Variants in MTMR12 observed in about 807,000 individuals in gnomAD.
The protein encoded by MTMR12 is myotubularin-related protein 12.
A neutral mutation model predicts 96.7 loss-of-function variants in MTMR12; 33 were observed. The observed-to-expected ratio is 0.34, with a 90% CI of 0.26 to 0.46. The LOEUF (loss-of-function observed/expected upper bound fraction) is 0.46. MTMR12 is among the 20% of genes least tolerant of loss of function. The pLI is 1.00. For synonymous variants in MTMR12, 298 were observed against 327.2 expected, an observed-to-expected ratio of 0.91 and a Z score of 0.96; for missense variants, 721 against 896.1, an observed-to-expected ratio of 0.80 and a Z score of 2.49.
At chr5:32,307,989 G>A (rs1363157271) in intron 1 of MTMR12, among the ~76,000 whole-genome samples, 1 of 152,180 alleles carries the variant, frequency 6.6e-6, no homozygotes, top group African/African-American at 2.4e-5. Flanking sequence ...AGGTGTCTAA[G>A]AAACTGAGAT....
intron 6 of MTMR12, among the ~76,000 whole-genome samples, chr5:32,267,658 G>A (rs1275131579): frequency 6.6e-6 from 1 of 152,104 alleles, no homozygotes; most frequent in Admixed American, 6.5e-5. Context: ...TTGCTATAAA[G>A]TATGCTCTGG....
At chr5:32,248,231 C>T (rs954985478) in intron 9 of MTMR12, 105 bp from the exon 10 acceptor site, 2 of 1,281,504 alleles carry the variant, frequency 1.6e-6, no homozygotes, top group Non-Finnish European at 2.2e-6. Context: ...GGCATTCTCC[C>T]ATTTAATCTT....
chr5:32,302,872 C>G (rs995059125), intron 1 of MTMR12, among the ~76,000 whole-genome samples: 1 of 152,044 alleles, frequency 6.6e-6, no homozygotes, highest in Admixed American at 6.6e-5. Context: ...CCAAATCATT[C>G]GCAAATGTAT....
chr5:32,297,559 T>A (rs1411883233), intron 1 of MTMR12, among the ~76,000 whole-genome samples: 2 of 152,078 alleles, frequency 1.3e-5, no homozygotes, highest in Non-Finnish European at 1.5e-5. Flanking sequence ...AGGTTTTTTT[T>A]TTTTTTTTGA....
chr5:32,234,907 C>T, intron 14 of MTMR12, 55 bp downstream of exon 14: 1 of 1,492,312 alleles, frequency 6.7e-7, no homozygotes, highest in Non-Finnish European at 9.2e-7. Flanking sequence ...ATTACTGCAT[C>T]CTACTTGTGA....
chr5:32,268,850 AAAGAC>A, intron 5 of MTMR12, 56 bp from the exon 6 acceptor site: 1 of 1,422,748 alleles, frequency 7.0e-7, no homozygotes, highest in Non-Finnish European at 9.9e-7. Context: ...AAACACTAAC[AAAGAC>A]AAGAGTCAAG....
intron 5 of MTMR12, among the ~76,000 whole-genome samples, chr5:32,269,535 C>A (rs902731360): frequency 1.3e-5 from 2 of 152,152 alleles, no homozygotes; most frequent in Admixed American, 6.5e-5. Context: ...GAACTCCTGA[C>A]CTCAGGTGAT....
chr5:32,235,015 G>A lies in MTMR12; in HGVS notation c.1459C>T (p.Pro487Ser). The stretch of plus-strand genomic sequence containing the variant: ...TTGAAGAAGAAGGTGCTAAAAATAG[G>A]TATATACAGGCTATCTGACAAAACA... ...LTVLSDSLYI[P>S]IFSTFFFNSP... The change falls in exon 14 of 16, where the codon CCT (proline) becomes TCT (serine). Residue 487 changes from proline to serine, a missense_variant. Transcript: ENST00000382142. The A allele has an allele frequency of 6.2e-7, 1 of 1,613,876 alleles. No individual in the cohort carries two copies.
intron 2 of MTMR12, 58 bp from the exon 3 acceptor site, chr5:32,274,180 A>C (rs1469795241): frequency 1.3e-6 from 2 of 1,577,306 alleles, no homozygotes; most frequent in African/African-American, 2.7e-5. Context: ...CGATATGCAA[A>C]CACTAAAGGC....
intron 1 of MTMR12, among the ~76,000 whole-genome samples, chr5:32,302,735 A>C (rs1561814799): frequency 6.6e-6 from 1 of 152,104 alleles, no homozygotes; most frequent in Non-Finnish European, 1.5e-5. Flanking sequence ...AAAAAAAAAA[A>C]AAATTAGGGA....
At chr5:32,243,675 C>G in intron 10 of MTMR12, 76 bp from the exon 11 acceptor site, 1 of 878,864 alleles carries the variant, frequency 1.1e-6, no homozygotes, top group Admixed American at 1.9e-5. Flanking sequence ...CTGTGCTCCT[C>G]AACTGTGTCA....
intron 7 of MTMR12, among the ~76,000 whole-genome samples, chr5:32,260,058 C>T (rs1297304603): frequency 3.6e-5 from 5 of 138,246 alleles, no homozygotes; most frequent in Admixed American, 2.2e-4. Context: ...AAAAAAAAAG[C>T]GGTACCTGGG....
chr5:32,262,882 G>A (rs1749421319), intron 7 of MTMR12, among the ~76,000 whole-genome samples: 1 of 152,214 alleles, frequency 6.6e-6, no homozygotes, highest in Non-Finnish European at 1.5e-5. Flanking sequence ...CAACAGGCAA[G>A]TCTATAGTGA....
chr5:32,227,467 T>A lies in MTMR12; in HGVS notation c.*2311A>T, dbSNP rs910387165. On this transcript the variant is annotated 3_prime_UTR_variant, in exon 16 of 16. Coordinates refer to ENST00000382142, the MANE Select transcript of MTMR12 (RefSeq NM_001040446.3). Reference sequence around the variant, plus strand: ...ACAGCTTATTTTTCTATTGTAATTTTAAAAAATCATAGAAAAATATGTCAA... The same window carrying A: ...ACAGCTTATTTTTCTATTGTAATTTAAAAAAATCATAGAAAAATATGTCAA... 2 of 152,652 alleles carry A rather than the reference T, an allele frequency of 1.3e-5. No individual in the cohort carries two copies. The highest frequency in any genetic ancestry group is 4.8e-5 in the African/African-American group (2 of 41,464). The allele number at this position is 152,652 out of a possible 1,614,324, so 9.5% of individuals were successfully genotyped here.
chr5:32,274,747 C>T (rs1749984531), intron 2 of MTMR12, among the ~76,000 whole-genome samples: 1 of 152,162 alleles, frequency 6.6e-6, no homozygotes, highest in Admixed American at 6.5e-5. Flanking sequence ...AAACGTGTTT[C>T]CTCTCTTTCT....
chr5:32,241,340 C>T (rs1012433690), intron 12 of MTMR12, among the ~76,000 whole-genome samples: 5 of 152,216 alleles, frequency 3.3e-5, no homozygotes, highest in Non-Finnish European at 5.9e-5. Flanking sequence ...ATCAGATGGA[C>T]AGAAGCCACA....
chr5:32,309,857 A>G (rs997558434), intron 1 of MTMR12: 2 of 152,258 alleles, frequency 1.3e-5, no homozygotes, highest in Non-Finnish European at 2.9e-5. Flanking sequence ...ATAAGCAATA[A>G]CAAATGCTAG....
At chr5:32,253,968 G>A (rs1394854835) in intron 8 of MTMR12, among the ~76,000 whole-genome samples, 1 of 152,204 alleles carries the variant, frequency 6.6e-6, no homozygotes, top group Non-Finnish European at 1.5e-5. Context: ...CTCCTCACTC[G>A]AATCTTATCA....
intron 13 of MTMR12, among the ~76,000 whole-genome samples, chr5:32,237,592 C>T (rs530877546): frequency 6.6e-6 from 1 of 152,102 alleles, no homozygotes; most frequent in Non-Finnish European, 1.5e-5. Context: ...CTCACTGCAA[C>T]CTCTGCCTCC....
Sources: gnomAD v4.1 joint callset for allele counts (sites outside exome capture counted in the v4.1 genomes callset) on GRCh38, gnomAD v4.1.1 for gene constraint, MANE v1.5 for transcripts, NCBI Gene and HGNC (gene_info 2026-07-23, HGNC 2026-07-21) for gene names.